The following AKAP19 variants were observed in gnomAD, a reference collection of about 807,000 sequenced individuals.
The protein encoded by AKAP19 is A-kinase anchoring protein 19, also known as small A-kinase anchoring protein.
chr2:189,900,610 CT>C, the AKAP19 span, among the ~76,000 whole-genome samples: 1 of 151,842 alleles, frequency 6.6e-6, no homozygotes, highest in East Asian at 1.9e-4. Flanking sequence ...TTACCAGTTT[CT>C]TTTTTTTCTG....
the AKAP19 span, among the ~76,000 whole-genome samples, chr2:190,139,827 A>G: frequency 2.6e-5 from 4 of 152,138 alleles, no homozygotes; most frequent in African/African-American, 9.7e-5. Flanking sequence ...TCACATTTCA[A>G]AACACAATCA....
the AKAP19 span, chr2:189,923,281 C>T: frequency 2.0e-6 from 3 of 1,525,236 alleles, no homozygotes; most frequent in African/African-American, 1.4e-5. Context: ...AATCGAATCT[C>T]TTCTCCCTCC....
At chr2:189,992,995 G>T in the AKAP19 span, among the ~76,000 whole-genome samples, 1 of 152,100 alleles carries the variant, frequency 6.6e-6, no homozygotes, top group African/African-American at 2.4e-5. Flanking sequence ...TTACCAATTT[G>T]AATGCCTTTT....
chr2:189,917,295 T>G, the AKAP19 span: 7 of 1,412,678 alleles, frequency 5.0e-6, no homozygotes, highest in African/African-American at 2.9e-5. Flanking sequence ...TTCTTCATGG[T>G]CCTCCATCTG....
the AKAP19 span, among the ~76,000 whole-genome samples, chr2:190,067,711 A>G: frequency 6.6e-6 from 1 of 152,138 alleles, no homozygotes; most frequent in South Asian, 2.1e-4. Flanking sequence ...TCCTCATAAT[A>G]ATGTCCTAGT....
At chr2:190,041,837 A>G in the AKAP19 span, among the ~76,000 whole-genome samples, 4 of 152,142 alleles carry the variant, frequency 2.6e-5, no homozygotes, top group Non-Finnish European at 5.9e-5. Flanking sequence ...TGCATACATT[A>G]AACAAACCTT....
chr2:190,007,317 C>A, the AKAP19 span, among the ~76,000 whole-genome samples: 1 of 152,210 alleles, frequency 6.6e-6, no homozygotes. Context: ...GACTTCATAA[C>A]ATCCGTTCTC....
the AKAP19 span, among the ~76,000 whole-genome samples, chr2:189,956,768 A>G: frequency 6.6e-6 from 1 of 152,032 alleles, no homozygotes; most frequent in Non-Finnish European, 1.5e-5. Context: ...TTTGTGGTAG[A>G]GATGGAGTCT....
At chr2:190,093,239 A>AT in the AKAP19 span, among the ~76,000 whole-genome samples, 492 of 150,292 alleles carry the variant, frequency 3.3e-3, 7 homozygotes, top group African/African-American at 0.011. Context: ...CCTGGCCAAC[A>AT]TGGTGAAACC....
At chr2:190,153,341 T>C in the AKAP19 span, among the ~76,000 whole-genome samples, 117 of 152,360 alleles carry the variant, frequency 7.7e-4, no homozygotes, top group South Asian at 1.9e-3. Context: ...TATACAATCA[T>C]ACCATCTGAA....
At chr2:190,033,452 G>A in the AKAP19 span, among the ~76,000 whole-genome samples, 2 of 152,150 alleles carry the variant, frequency 1.3e-5, no homozygotes, top group Admixed American at 6.5e-5. Context: ...TGCAATAAAT[G>A]TAACTATATG....
At chr2:189,952,407 T>C in the AKAP19 span, among the ~76,000 whole-genome samples, 1 of 152,184 alleles carries the variant, frequency 6.6e-6, no homozygotes, top group African/African-American at 2.4e-5. Context: ...CAGACCTTTT[T>C]GGAACTGAAA....
the AKAP19 span, among the ~76,000 whole-genome samples, chr2:189,973,413 T>A: frequency 6.6e-6 from 1 of 152,104 alleles, no homozygotes; most frequent in Non-Finnish European, 1.5e-5. Flanking sequence ...TTTTTGCATC[T>A]ATGTTCATCA....
the AKAP19 span, among the ~76,000 whole-genome samples, chr2:189,943,430 G>A: frequency 6.6e-6 from 1 of 152,224 alleles, no homozygotes; most frequent in African/African-American, 2.4e-5. Flanking sequence ...CTAGATTTTA[G>A]AGGCTGTATG....
chr2:190,156,227 G>T, the AKAP19 span, among the ~76,000 whole-genome samples: 15 of 152,182 alleles, frequency 9.9e-5, no homozygotes, highest in African/African-American at 3.1e-4. Flanking sequence ...AGAAAAGATA[G>T]GTTATTTTTA....
the AKAP19 span, chr2:189,924,018 C>T: frequency 6.3e-7 from 1 of 1,576,188 alleles, no homozygotes; most frequent in Non-Finnish European, 8.7e-7. Context: ...AGCAGCAGCT[C>T]CGTGAAGAAA....
the AKAP19 span, among the ~76,000 whole-genome samples, chr2:190,087,061 C>G: frequency 0.028 from 4,305 of 152,232 alleles, 224 homozygotes; most frequent in African/African-American, 0.098. Context: ...AATAATGGAA[C>G]CACCAATACT....
chr2:190,068,341 G>A, the AKAP19 span, among the ~76,000 whole-genome samples: 1 of 152,020 alleles, frequency 6.6e-6, no homozygotes, highest in Non-Finnish European at 1.5e-5. Flanking sequence ...GTTTTTCTTT[G>A]TTTGTTGAGA....
At chr2:190,089,917 C>A in the AKAP19 span, among the ~76,000 whole-genome samples, 1 of 152,178 alleles carries the variant, frequency 6.6e-6, no homozygotes. Context: ...AAACCTAACA[C>A]TGGTTCAATT....
Sources: gnomAD v4.1 joint callset for allele counts (sites outside exome capture counted in the v4.1 genomes callset) on GRCh38, gnomAD v4.1.1 for gene constraint, MANE v1.5 for transcripts, NCBI Gene and HGNC (gene_info 2026-07-23, HGNC 2026-07-21) for gene names.